Variants in GRAMD1B observed in about 807,000 individuals in gnomAD.
The protein encoded by GRAMD1B is protein Aster-B.
GRAMD1B carries 37 observed loss-of-function variants against 99.7 expected under a neutral mutation model. The ratio of observed to expected loss-of-function variants is 0.37; its 90% CI spans 0.29 to 0.49. GRAMD1B has a LOEUF of 0.49. Ranked by LOEUF, GRAMD1B falls within the 20% of genes least tolerant of loss-of-function variation. GRAMD1B has a pLI of 0.98. For synonymous variants in GRAMD1B, 427 were observed against 387.6 expected (o/e 1.10, Z -1.19); for missense variants, 888 against 1,009.2 (o/e 0.88, Z 1.63).
chr11:123,388,810 C>A (rs754888214), intron 1 of GRAMD1B, among the ~76,000 whole-genome samples: 2 of 152,174 alleles, frequency 1.3e-5, no homozygotes, highest in Non-Finnish European at 2.9e-5. Context: ...CCTGCTAGAA[C>A]CCAGCCATGC....
At chr11:123,507,464 A>T (rs1280873055) in intron 2 of GRAMD1B, among the ~76,000 whole-genome samples, 1 of 152,204 alleles carries the variant, frequency 6.6e-6, no homozygotes, top group African/African-American at 2.4e-5. Context: ...TTAGTGTGGG[A>T]TGGAATAGGA....
At chr11:123,525,867 A>C in intron 2 of GRAMD1B, 1 of 509,282 alleles carries the variant, frequency 2.0e-6, no homozygotes, top group Non-Finnish European at 3.5e-6. Context: ...TGGCAGCGGC[A>C]GCCACAGCTC....
rs1430801211 is a variant in GRAMD1B, at chr11:123,595,996, C to A, written c.928C>A (p.Leu310Ile). The A allele has an allele frequency of 6.2e-7, 1 of 1,609,472 alleles. No individual in the cohort carries two copies. The highest frequency in any genetic ancestry group is 8.5e-7 in the Non-Finnish European group (1 of 1,177,614). ...CATGACTAAAGAAAAAACAGCTCGC[C>A]TCATTCCCAATGCCATCCAAGTTTG... ...CSMTKEKTAR[L>I]IPNAIQVCTD... Residue 310 changes from leucine (L) to isoleucine (I), a missense_variant, in exon 7 of 20, where the codon CTC (leucine) becomes ATC (isoleucine). This residue lies in a region of GRAMD1B where 62 missense variants were observed against 139.4 expected (regional missense o/e 0.44). Coordinates refer to ENST00000635736, the MANE Select transcript of GRAMD1B (RefSeq NM_001387025.1).
chr11:123,580,743 A>G (rs561247004), intron 3 of GRAMD1B, among the ~76,000 whole-genome samples: 1 of 152,308 alleles, frequency 6.6e-6, no homozygotes, highest in East Asian at 1.9e-4. Context: ...TGTGGCCACC[A>G]GAGGGAGCGA....
chr11:123,473,027 C>T (rs184172419), intron 1 of GRAMD1B, among the ~76,000 whole-genome samples: 7 of 152,090 alleles, frequency 4.6e-5, no homozygotes, highest in African/African-American at 1.7e-4. Flanking sequence ...GAAAATCTTA[C>T]GGAGGACTTC....
intron 1 of GRAMD1B, among the ~76,000 whole-genome samples, chr11:123,462,690 C>T (rs1370934425): frequency 6.6e-6 from 1 of 152,030 alleles, no homozygotes; most frequent in Non-Finnish European, 1.5e-5. Flanking sequence ...GCAGCATGCT[C>T]GTTAAGAGTC....
At chr11:123,418,438 T>C (rs1243595358) in intron 1 of GRAMD1B, among the ~76,000 whole-genome samples, 1 of 152,164 alleles carries the variant, frequency 6.6e-6, no homozygotes, top group African/African-American at 2.4e-5. Context: ...TCTTAAGAGT[T>C]GATAGATAAG....
intron 4 of GRAMD1B, among the ~76,000 whole-genome samples, chr11:123,584,617 T>C (rs1304515928): frequency 6.6e-6 from 1 of 151,980 alleles, no homozygotes; most frequent in Non-Finnish European, 1.5e-5. Flanking sequence ...AGGAGACCAG[T>C]CAGGGAGGGA....
chr11:123,470,493 T>G (rs1344388186), intron 1 of GRAMD1B, among the ~76,000 whole-genome samples: 1 of 144,004 alleles, frequency 6.9e-6, no homozygotes, highest in Admixed American at 7.1e-5. Flanking sequence ...CCAACTCACA[T>G]TTTTCTTTCT....
At chr11:123,524,656 G>A (rs1476413316) in intron 2 of GRAMD1B, among the ~76,000 whole-genome samples, 2 of 152,102 alleles carry the variant, frequency 1.3e-5, no homozygotes, top group Admixed American at 1.3e-4. Context: ...GAAATGATTG[G>A]TTTTTCTCAC....
intron 1 of GRAMD1B, among the ~76,000 whole-genome samples, chr11:123,377,896 CAT>C (rs760306767): frequency 7.2e-5 from 11 of 152,188 alleles, no homozygotes; most frequent in Non-Finnish European, 7.3e-5. Flanking sequence ...GAAAAGTGGT[CAT>C]GTGTGTGTAT....
At chr11:123,403,035 G>C (rs146211923) in intron 1 of GRAMD1B, among the ~76,000 whole-genome samples, 1 of 151,616 alleles carries the variant, frequency 6.6e-6, no homozygotes, top group Non-Finnish European at 1.5e-5. Flanking sequence ...ACATGACACA[G>C]AACTCTGCTA....
At chr11:123,401,587 C>T (rs1434253256) in intron 1 of GRAMD1B, among the ~76,000 whole-genome samples, 2 of 152,210 alleles carry the variant, frequency 1.3e-5, no homozygotes, top group Non-Finnish European at 2.9e-5. Context: ...GAACCAAGGA[C>T]AGGCAAGCCG....
chr11:123,478,557 T>C (rs1951423117), intron 1 of GRAMD1B, among the ~76,000 whole-genome samples: 1 of 152,224 alleles, frequency 6.6e-6, no homozygotes, highest in Non-Finnish European at 1.5e-5. Flanking sequence ...TTGGTTTTCC[T>C]TGTAGTTCTG....
chr11:123,605,306 T>C lies in GRAMD1B; in HGVS notation c.1167-16T>C, dbSNP rs775864775. ...ACCACTGAGGGTAATGTGGACTCAC[T>C]GGTGTCTCCTCTCAGATACTGTGAA... is the stretch of plus-strand genomic sequence containing the variant. On this transcript the variant is annotated splice_polypyrimidine_tract_variant and intron_variant, in intron 9 of 19. Transcript: ENST00000635736. 8.2e-6 allele frequency: 13 copies of C among 1,585,226 alleles called. 1 individual carries two copies. In the East Asian group the frequency reaches 2.9e-4, roughly 36 times the overall value.
Position 123,603,185 on chromosome 11 carries a change from G to A in GRAMD1B, c.1051-241G>A, listed in dbSNP as rs1357083553. On this transcript the variant is annotated intron_variant, in intron 8 of 19. Coordinates refer to ENST00000635736, the MANE Select transcript of GRAMD1B (RefSeq NM_001387025.1). ...AGTTGGTCACGTTCTACAAACCTCT[G>A]TTGAGGGATTGGGCACTGAAAGGCC... 6.6e-5 allele frequency among the ~76,000 whole-genome samples: 10 copies of A among 152,218 alleles called. No homozygotes were observed. The East Asian group carries it at 1.9e-3, about 29-fold the overall frequency.
intron 1 of GRAMD1B, among the ~76,000 whole-genome samples, chr11:123,462,048 G>A (rs576071677): frequency 7.2e-4 from 105 of 146,672 alleles, no homozygotes; most frequent in African/African-American, 2.6e-3. Flanking sequence ...CTCACTGCAA[G>A]GTCCACCTCC....
intron 1 of GRAMD1B, among the ~76,000 whole-genome samples, chr11:123,397,538 C>T (rs1947509412): frequency 6.6e-6 from 1 of 152,180 alleles, no homozygotes; most frequent in Non-Finnish European, 1.5e-5. Context: ...TTGAGACAGG[C>T]TCTCACTCAG....
In GRAMD1B at chr11:123,613,212, A is replaced by C. The variant is rs921208998; in HGVS notation, c.2024-243A>C. The C allele has an allele frequency of 5.2e-6, 3 of 571,452 alleles. No individual in the cohort carries two copies. In the South Asian group the frequency reaches 7.0e-5, roughly 13 times the overall value. 35.4% of individuals were successfully genotyped at this position (571,452 alleles called of 1,614,324 possible). The stretch of plus-strand genomic sequence containing the variant: ...ATCTATTTAAGACGTGTATGCCCCA[A>C]ATTGTATACATGAGGGTGCAGATAT... On this transcript the variant is annotated intron_variant, in intron 15 of 19. Transcript: ENST00000635736.
Sources: gnomAD v4.1 joint callset for allele counts (sites outside exome capture counted in the v4.1 genomes callset) on GRCh38, gnomAD v4.1.1 for gene constraint, gnomAD v4.1.1 regional missense constraint, MANE v1.5 for transcripts, NCBI Gene and HGNC (gene_info 2026-07-23, HGNC 2026-07-21) for gene names.